The following ARHGEF10L variants were observed in gnomAD, a reference collection of about 807,000 sequenced individuals.
The protein encoded by ARHGEF10L is rho guanine nucleotide exchange factor 10-like protein.
ARHGEF10L carries 69 observed loss-of-function variants against 141.2 expected under a neutral mutation model. The observed-to-expected ratio is 0.49, with a 90% CI of 0.40 to 0.60. ARHGEF10L has a LOEUF of 0.60. Among genes scored for constraint, ARHGEF10L ranks in the 20% least tolerant of loss-of-function variants. The probability of loss-of-function intolerance (pLI) is 0.00; values close to 1 mark genes in which losing one functional copy is unlikely to be tolerated. For missense variants in ARHGEF10L, 1,482 were observed against 1,734.3 expected (o/e 0.85, Z 2.58); for synonymous variants, 711 against 718.5 (o/e 0.99, Z 0.17).
At chr1:17,646,470 G>A (rs527979558) in intron 21 of ARHGEF10L, among the ~76,000 whole-genome samples, 1 of 152,332 alleles carries the variant, frequency 6.6e-6, no homozygotes, top group South Asian at 2.1e-4. Flanking sequence ...CCAGCCCTGC[G>A]TGGGTGGGTT....
At position 17,623,109 on chromosome 1, in the gene ARHGEF10L, C is replaced by T. The variant is rs746788212; in HGVS notation, c.1134C>T (p.Ile378=). The T allele has an allele frequency of 9.9e-6, 16 of 1,614,086 alleles. 1 individual carries two copies. Among genetic ancestry groups the T allele is most frequent in the Admixed American group, 6.7e-5 (4 of 60,008 alleles). The change falls in exon 12 of 29, where the codon ATC becomes ATT. Residue 378 remains isoleucine, a synonymous_variant. Transcript: ENST00000361221. This position sits in a 1 kb window ranked among gnomAD's most constrained non-coding sequence, Gnocchi z 4.7. ...TGCACTGCCACTCCATGTTCCAGAT[C>T]GCCCTGTCCTCCCGCGTGGCTGAGT... ...EILHCHSMFQ[I]ALSSRVAEWD...
chr1:17,609,931 C>A (rs1369383353), intron 7 of ARHGEF10L, among the ~76,000 whole-genome samples: 1 of 152,122 alleles, frequency 6.6e-6, no homozygotes, highest in Non-Finnish European at 1.5e-5. Flanking sequence ...ATGGCAGGAC[C>A]CGTGCGTCCC....
chr1:17,571,155 G>T (rs542379606), intron 1 of ARHGEF10L, among the ~76,000 whole-genome samples: 13 of 152,242 alleles, frequency 8.5e-5, no homozygotes, highest in Non-Finnish European at 7.4e-5. Flanking sequence ...GGGAGGAGCC[G>T]CGGTGTAGCC....
chr1:17,638,434 C>T, intron 19 of ARHGEF10L, 128 bp from the exon 20 acceptor site: 2 of 1,381,834 alleles, frequency 1.4e-6, no homozygotes, highest in African/African-American at 1.4e-5. Context: ...AAATGTGCAG[C>T]CTCAGTGAGG....
At chr1:17,555,368 CT>C (rs377163805) in intron 1 of ARHGEF10L, among the ~76,000 whole-genome samples, 713 of 143,634 alleles carry the variant, frequency 5.0e-3, no homozygotes, top group African/African-American at 8.0e-3. Context: ...GTTTAAACTA[CT>C]TTTTTTTTTT....
At chr1:17,664,965 C>T (rs1459111778) in intron 26 of ARHGEF10L, among the ~76,000 whole-genome samples, 2 of 152,196 alleles carry the variant, frequency 1.3e-5, no homozygotes, top group African/African-American at 4.8e-5. Context: ...TGCAGCCATC[C>T]GCTGGGCTCT....
chr1:17,534,426 A>G, the ARHGEF10L span, among the ~76,000 whole-genome samples: 1 of 150,862 alleles, frequency 6.6e-6, no homozygotes, highest in African/African-American at 2.4e-5. Context: ...CTTGGCTGCT[A>G]ATTTTTGTAT....
intron 7 of ARHGEF10L, among the ~76,000 whole-genome samples, chr1:17,609,768 C>T (rs2059446950): frequency 6.6e-6 from 1 of 152,160 alleles, no homozygotes; most frequent in Non-Finnish European, 1.5e-5. Context: ...CTAGAGGAGA[C>T]AGGACAGGTG....
chr1:17,550,550 G>A (rs2077073260), intron 1 of ARHGEF10L, among the ~76,000 whole-genome samples: 1 of 151,958 alleles, frequency 6.6e-6, no homozygotes, highest in African/African-American at 2.4e-5. Context: ...GCTGAGGCAG[G>A]AGAATTGCTC....
chr1:17,522,541 C>T, the ARHGEF10L span, among the ~76,000 whole-genome samples: 1 of 151,860 alleles, frequency 6.6e-6, no homozygotes, highest in Non-Finnish European at 1.5e-5. Context: ...CTCCTCCTCT[C>T]GGTGGTTTTT....
chr1:17,622,608 G>A (rs1439348752), intron 11 of ARHGEF10L, among the ~76,000 whole-genome samples: 1 of 152,154 alleles, frequency 6.6e-6, no homozygotes. Context: ...TATATCACCT[G>A]TCTCTGACAA....
At chr1:17,659,737 C>T (rs1042964154) in intron 25 of ARHGEF10L, among the ~76,000 whole-genome samples, 7 of 152,174 alleles carry the variant, frequency 4.6e-5, no homozygotes, top group Non-Finnish European at 8.8e-5. Context: ...ACTGTCCTGC[C>T]GGGTTAGGCT....
chr1:17,695,222 C>G lies in ARHGEF10L; in HGVS notation c.3249C>G (p.Asp1083Glu). ...AGGGTCTGCTCTGGGTGGGCACTGA[C>G]CAGGGTGTCATCGTCCTGCTGCCCG... is the stretch of plus-strand genomic sequence containing the variant. Reference protein sequence around the residue: ...ICQGLLWVGTDQGVIVLLPVP... With the variant: ...ICQGLLWVGTEQGVIVLLPVP... The change falls in exon 28 of 29, where the codon GAC (aspartate) becomes GAG (glutamate). Residue 1083 changes from aspartate (D) to glutamate (E), a missense_variant. Around this residue, in one of 3 missense-constraint regions of ARHGEF10L, gnomAD observed 858 missense variants for 966.3 expected, o/e 0.89. Transcript: ENST00000361221. 6.2e-7 allele frequency: 1 copy of G among 1,611,426 alleles called. No homozygotes were observed. The highest frequency in any genetic ancestry group is 1.7e-5 in the Admixed American group (1 of 59,772).
chr1:17,515,262 G>A, the ARHGEF10L span, among the ~76,000 whole-genome samples: 3 of 151,220 alleles, frequency 2.0e-5, no homozygotes, highest in African/African-American at 4.9e-5. Flanking sequence ...GGTACATGGT[G>A]GGCACTTAGA....
At chr1:17,530,242 G>T in the ARHGEF10L span, among the ~76,000 whole-genome samples, 1 of 152,198 alleles carries the variant, frequency 6.6e-6, no homozygotes, top group Middle Eastern at 3.4e-3. Context: ...GGGATGGTTT[G>T]GTCTAACTAT....
At chr1:17,642,404 T>G (rs1292792245) in intron 21 of ARHGEF10L, among the ~76,000 whole-genome samples, 1 of 152,072 alleles carries the variant, frequency 6.6e-6, no homozygotes. Flanking sequence ...GCGGGCAGGT[T>G]TTCTGGGAAG....
At chr1:17,618,849 C>T (rs1270968301) in intron 9 of ARHGEF10L, among the ~76,000 whole-genome samples, 1 of 152,238 alleles carries the variant, frequency 6.6e-6, no homozygotes, top group African/African-American at 2.4e-5. Flanking sequence ...TGAACTTTTT[C>T]CCTTTAGCTC....
intron 1 of ARHGEF10L, among the ~76,000 whole-genome samples, chr1:17,557,957 G>A (rs1433113956): frequency 3.9e-5 from 6 of 152,140 alleles, no homozygotes; most frequent in Non-Finnish European, 8.8e-5. Flanking sequence ...TGGGCACAGT[G>A]TCCTCTGACC....
intron 22 of ARHGEF10L, among the ~76,000 whole-genome samples, chr1:17,648,974 G>C (rs1036827504): frequency 6.6e-6 from 1 of 152,200 alleles, no homozygotes; most frequent in Admixed American, 6.5e-5. Context: ...AGATCATGCC[G>C]AAGCGGCTGT....
Sources: allele counts gnomAD v4.1 joint callset (sites outside exome capture counted in the v4.1 genomes callset), GRCh38; gene constraint gnomAD v4.1.1; regional missense constraint gnomAD v4.1.1; non-coding constraint Gnocchi (gnomAD v3.1); transcripts MANE v1.5; gene names NCBI Gene and HGNC (gene_info 2026-07-23, HGNC 2026-07-21).